The following FCHSD2 variants were observed in gnomAD, a reference collection of about 807,000 sequenced individuals.
FCHSD2 encodes FCH and double SH3 domains 2, also known as F-BAR and double SH3 domains protein 2.
A neutral mutation model predicts 108.1 loss-of-function variants in FCHSD2; 38 were observed. The observed-to-expected ratio is 0.35, with a 90% CI of 0.27 to 0.46. The LOEUF is 0.46. Ranked by LOEUF, FCHSD2 falls within the 20% of genes least tolerant of loss-of-function variation. The pLI is 1.00. For missense variants in FCHSD2, 751 were observed against 897.8 expected (o/e 0.84, Z 2.09); for synonymous variants, 279 against 314.7 (o/e 0.89, Z 1.20).
chr11:73,070,725 C>T (rs1859416961), intron 3 of FCHSD2, among the ~76,000 whole-genome samples: 1 of 151,264 alleles, frequency 6.6e-6, no homozygotes, highest in African/African-American at 2.4e-5. Context: ...CATACCCGGC[C>T]TAAATGTCAA....
chr11:72,893,983 G>A (rs1240249955), intron 10 of FCHSD2, among the ~76,000 whole-genome samples: 1 of 152,152 alleles, frequency 6.6e-6, no homozygotes, highest in African/African-American at 2.4e-5. Context: ...TCAGATATCT[G>A]AGCAGAGTGA....
Position 73,140,146 on chromosome 11 carries a change from T to C in FCHSD2, c.22-18A>G. The C allele has an allele frequency of 7.1e-7, 1 of 1,411,980 alleles. No individual in the cohort carries two copies. The highest frequency in any genetic ancestry group is 9.6e-7 in the Non-Finnish European group (1 of 1,039,394). 87.5% of individuals were successfully genotyped at this position (1,411,980 alleles called of 1,614,324 possible). On this transcript the variant is annotated intron_variant, in intron 1 of 19. Transcript: ENST00000409418. ...ACTTTCACCTAAAATATACCATATA[T>C]TTATGAAGGTCTTTTTACAAATTTA...
At chr11:72,936,737 G>A (rs1396430054) in intron 8 of FCHSD2, among the ~76,000 whole-genome samples, 1 of 152,054 alleles carries the variant, frequency 6.6e-6, no homozygotes, top group East Asian at 1.9e-4. Flanking sequence ...TTCAGTTATT[G>A]TATTTTTAAC....
intron 12 of FCHSD2, among the ~76,000 whole-genome samples, chr11:72,879,403 A>C (rs545778144): frequency 7.9e-5 from 12 of 152,352 alleles, no homozygotes; most frequent in Admixed American, 7.2e-4. Flanking sequence ...CTTAGTAGGT[A>C]TTTGAAAAGC....
chr11:73,046,963 G>A (rs958684707), intron 3 of FCHSD2, among the ~76,000 whole-genome samples: 5 of 151,946 alleles, frequency 3.3e-5, no homozygotes, highest in East Asian at 1.9e-4. Flanking sequence ...TCCACAATAC[G>A]AACTATGATG....
At chr11:73,019,599 C>A (rs553896429) in intron 3 of FCHSD2, among the ~76,000 whole-genome samples, 43 of 152,044 alleles carry the variant, frequency 2.8e-4, no homozygotes, top group Non-Finnish European at 5.6e-4. Flanking sequence ...AATAGACAAA[C>A]AATGAGATCT....
intron 2 of FCHSD2, among the ~76,000 whole-genome samples, chr11:73,121,656 C>CA (rs1323442733): frequency 2.2e-3 from 282 of 127,634 alleles, no homozygotes; most frequent in African/African-American, 3.7e-3. Flanking sequence ...TGTTAAGGGC[C>CA]AAAAAAAAAA....
intron 8 of FCHSD2, among the ~76,000 whole-genome samples, chr11:72,934,353 C>T (rs1338611322): frequency 2.2e-5 from 3 of 137,070 alleles, no homozygotes; most frequent in African/African-American, 8.2e-5. Context: ...TTTTTTGAGA[C>T]GGAGTCTTAC....
intron 14 of FCHSD2, among the ~76,000 whole-genome samples, chr11:72,846,784 T>C (rs978179795): frequency 1.3e-5 from 2 of 152,182 alleles, no homozygotes; most frequent in Non-Finnish European, 2.9e-5. Flanking sequence ...ATGTTCATCG[T>C]AGAAAAGCTG....
chr11:72,893,146 T>G (rs779315875), intron 10 of FCHSD2, among the ~76,000 whole-genome samples: 5 of 151,868 alleles, frequency 3.3e-5, no homozygotes, highest in African/African-American at 4.8e-5. Context: ...TTACAGGGCA[T>G]GTACCACCAT....
At chr11:72,924,777 T>C (rs1026222012) in intron 8 of FCHSD2, among the ~76,000 whole-genome samples, 1 of 151,982 alleles carries the variant, frequency 6.6e-6, no homozygotes, top group African/African-American at 2.4e-5. Context: ...ATGACACCAT[T>C]GAGCACTTCA....
chr11:73,140,688 CA>C (rs1176217758), intron 1 of FCHSD2, among the ~76,000 whole-genome samples: 4 of 152,220 alleles, frequency 2.6e-5, no homozygotes, highest in Non-Finnish European at 1.5e-5. Flanking sequence ...CTCTTTCTCA[CA>C]AAGGAGAAAG....
chr11:72,886,652 T>C (rs930464190), intron 12 of FCHSD2, among the ~76,000 whole-genome samples: 1 of 152,212 alleles, frequency 6.6e-6, no homozygotes, highest in Non-Finnish European at 1.5e-5. Context: ...TAAAAGTGTG[T>C]GCACAGGTCC....
At chr11:73,117,123 A>T (rs1438723304) in intron 2 of FCHSD2, among the ~76,000 whole-genome samples, 1 of 152,336 alleles carries the variant, frequency 6.6e-6, no homozygotes, top group East Asian at 1.9e-4. Flanking sequence ...CAATAACAGA[A>T]GCTGGTATTT....
chr11:73,094,343 C>A (rs1171586794), intron 2 of FCHSD2, among the ~76,000 whole-genome samples: 3 of 152,186 alleles, frequency 2.0e-5, no homozygotes, highest in African/African-American at 7.2e-5. Context: ...AATGGTACAA[C>A]CACTTGGGGA....
intron 13 of FCHSD2, among the ~76,000 whole-genome samples, chr11:72,857,456 G>A (rs938198382): frequency 5.2e-5 from 4 of 76,832 alleles, no homozygotes; most frequent in African/African-American, 2.1e-4. Flanking sequence ...TTTTTTTTTT[G>A]AGATGGAGTT....
chr11:72,984,674 AG>A (rs1857278724), intron 7 of FCHSD2, among the ~76,000 whole-genome samples: 1 of 152,228 alleles, frequency 6.6e-6, no homozygotes, highest in Admixed American at 6.5e-5. Context: ...GGCATTCCAC[AG>A]TGTGAAGTTT....
At chr11:72,994,118 A>G (rs1857475973) in intron 5 of FCHSD2, among the ~76,000 whole-genome samples, 1 of 152,158 alleles carries the variant, frequency 6.6e-6, no homozygotes, top group African/African-American at 2.4e-5. Context: ...AGGACCAAAC[A>G]GAATAACTGG....
chr11:73,141,738 G>A (rs1861253696), intron 1 of FCHSD2, 119 bp downstream of exon 1: 3 of 1,129,116 alleles, frequency 2.7e-6, no homozygotes, highest in Non-Finnish European at 3.7e-6. Flanking sequence ...TCGGTGACAA[G>A]CCCAAGACGA....
Sources: gnomAD v4.1 joint callset for allele counts (sites outside exome capture counted in the v4.1 genomes callset) on GRCh38, gnomAD v4.1.1 for gene constraint, MANE v1.5 for transcripts, NCBI Gene and HGNC (gene_info 2026-07-23, HGNC 2026-07-21) for gene names.